TRHDE: variants seen among roughly 807,000 people sequenced by gnomAD.
TRHDE encodes thyrotropin-releasing hormone-degrading ectoenzyme.
Under a neutral mutation model 125.7 loss-of-function variants are expected in TRHDE, and 72 were observed. The ratio of observed to expected loss-of-function variants is 0.57; its 90% CI spans 0.47 to 0.70. The LOEUF is 0.70. TRHDE is among the 30% of genes least tolerant of loss of function. The pLI, the probability that TRHDE is intolerant of heterozygous loss-of-function variation, is 0.00. For missense variants in TRHDE, 1,110 were observed against 1,327.1 expected (o/e 0.84, Z 2.54); for synonymous variants, 509 against 509.1 (o/e 1.00, Z 0.00).
intron 2 of TRHDE, among the ~76,000 whole-genome samples, chr12:72,364,084 AAGG>A (rs1249095913): frequency 6.6e-6 from 1 of 152,152 alleles, no homozygotes; most frequent in Non-Finnish European, 1.5e-5. Flanking sequence ...GGACCTCTTC[AAGG>A]AGAACTACAA....
intron 2 of TRHDE, among the ~76,000 whole-genome samples, chr12:72,331,483 A>T (rs1221321765): frequency 1.5e-5 from 1 of 67,244 alleles, no homozygotes; most frequent in East Asian, 2.3e-4. Flanking sequence ...GAATGAACTA[A>T]TTATTTCTGC....
intron 15 of TRHDE, among the ~76,000 whole-genome samples, chr12:72,624,038 T>G (rs552272115): frequency 6.6e-6 from 1 of 152,138 alleles, no homozygotes; most frequent in Non-Finnish European, 1.5e-5. Context: ...CTCTGTTTAC[T>G]AAGATTTGCT....
At chr12:72,112,252 A>G (rs565813943) in intron 2 of TRHDE, among the ~76,000 whole-genome samples, 2 of 152,272 alleles carry the variant, frequency 1.3e-5, no homozygotes, top group African/African-American at 4.8e-5. Context: ...ACATAAAGCA[A>G]TATATGCCAC....
At position 72,302,020 on chromosome 12, in the gene TRHDE, T is replaced by C. The variant is rs1390752799; in HGVS notation, c.1188+15066T>C. Among the ~76,000 whole-genome samples, 4 of 152,302 alleles carry C rather than the reference T, an allele frequency of 2.6e-5. 1 individual carries two copies. Among genetic ancestry groups the C allele is most frequent in the Admixed American group, 2.6e-4 (4 of 15,284 alleles). On this transcript the variant is annotated intron_variant, in intron 2 of 18. Transcript: ENST00000261180. ...AAATTTGTAGTGTTTATTTTTCCTG[T>C]GATTACCAACTTGTGCAAATGACTT... is the stretch of plus-strand genomic sequence containing the variant.
chr12:72,321,861 A>G (rs775488947), intron 2 of TRHDE, among the ~76,000 whole-genome samples: 38 of 152,018 alleles, frequency 2.5e-4, no homozygotes, highest in Admixed American at 6.6e-5. Context: ...TAATACACAT[A>G]TATATCTACA....
At chr12:72,272,053 G>A (rs1329279812), upstream of TRHDE, 1 of 457,448 alleles carries the variant, frequency 2.2e-6, no homozygotes, top group Admixed American at 2.3e-5. This position sits in a 1 kb window ranked among gnomAD's most constrained non-coding sequence, Gnocchi z 6.7. Flanking sequence ...TCCCACCTCG[G>A]CCATCCTTTT....
chr12:72,166,640 C>T (rs762707897), intron 2 of TRHDE, among the ~76,000 whole-genome samples: 21 of 152,104 alleles, frequency 1.4e-4, no homozygotes, highest in Non-Finnish European at 2.5e-4. Flanking sequence ...TCCTCTGATG[C>T]GCTCCATTCT....
intron 15 of TRHDE, among the ~76,000 whole-genome samples, chr12:72,628,813 A>AT (rs751001535): frequency 3.3e-5 from 5 of 152,010 alleles, no homozygotes; most frequent in East Asian, 1.9e-4. Flanking sequence ...AGGTCTTCAT[A>AT]TATTACAATT....
At chr12:72,203,791 A>G (rs1489006116) in intron 2 of TRHDE, among the ~76,000 whole-genome samples, 4 of 151,752 alleles carry the variant, frequency 2.6e-5, no homozygotes, top group Non-Finnish European at 5.9e-5. Context: ...AAACCCTAAG[A>G]CCCTGGGTTT....
At chr12:72,654,263 C>T (rs964642515) in intron 17 of TRHDE, among the ~76,000 whole-genome samples, 5 of 151,976 alleles carry the variant, frequency 3.3e-5, no homozygotes, top group African/African-American at 1.2e-4. Flanking sequence ...TATTGCCTAC[C>T]AAAAAATGTT....
intron 15 of TRHDE, among the ~76,000 whole-genome samples, chr12:72,637,349 A>G (rs191521793): frequency 6.5e-4 from 99 of 152,196 alleles, no homozygotes; most frequent in Non-Finnish European, 5.9e-5. Context: ...TGGTGGTGAT[A>G]TCCCCTTTAT....
intron 1 of TRHDE, among the ~76,000 whole-genome samples, chr12:72,093,332 C>G (rs1231677812): frequency 6.6e-6 from 1 of 152,072 alleles, no homozygotes; most frequent in Non-Finnish European, 1.5e-5. Context: ...GCTTTGAGTC[C>G]TTTGAGTGTC....
intron 12 of TRHDE, among the ~76,000 whole-genome samples, chr12:72,601,796 CACTA>C (rs1008747762): frequency 2.6e-5 from 4 of 152,250 alleles, no homozygotes; most frequent in African/African-American, 9.6e-5. Context: ...GGTTATTGCA[CACTA>C]ACTAGGCTAT....
At chr12:72,164,523 T>A (rs1337465756) in intron 2 of TRHDE, among the ~76,000 whole-genome samples, 3 of 152,050 alleles carry the variant, frequency 2.0e-5, no homozygotes, top group South Asian at 2.1e-4. Flanking sequence ...CTACCTTACT[T>A]ACAGAAATGA....
In TRHDE at chr12:72,286,762, T is replaced by G; in HGVS notation, c.996T>G (p.Thr332=). Residue 332 remains threonine (T), a synonymous_variant, in exon 2 of 19, where the codon ACT becomes ACG. Transcript: ENST00000261180. ...TTGATGAGCCAATCTACAAGGCTAC[T>G]TTCAAAATCAGCATCAAGCATCAAG... is the stretch of plus-strand genomic sequence containing the variant. ...PCFDEPIYKA[T]FKISIKHQAT... is the part of the protein sequence containing the mutation. The G allele has an allele frequency of 6.2e-7, 1 of 1,614,020 alleles. No individual in the cohort carries two copies. Among genetic ancestry groups the G allele is most frequent in the Non-Finnish European group, 8.5e-7 (1 of 1,179,986 alleles).
chr12:72,186,968 GAGA>G (rs1031702873), intron 2 of TRHDE, among the ~76,000 whole-genome samples: 3 of 152,018 alleles, frequency 2.0e-5, no homozygotes, highest in African/African-American at 7.2e-5. Context: ...TGGTGGAAGA[GAGA>G]AGGATGAGGC....
chr12:72,328,035 T>A (rs1869419126), intron 2 of TRHDE, among the ~76,000 whole-genome samples: 1 of 152,160 alleles, frequency 6.6e-6, no homozygotes, highest in South Asian at 2.1e-4. Flanking sequence ...ACATGCAGTG[T>A]AAATGGCCCA....
intron 15 of TRHDE, among the ~76,000 whole-genome samples, chr12:72,631,083 ATATTT>A (rs1338427927): frequency 1.3e-5 from 2 of 151,210 alleles, no homozygotes; most frequent in Admixed American, 6.6e-5. Flanking sequence ...ATAGGATATT[ATATTT>A]AATTTTCATA....
At chr12:72,558,414 G>A (rs1870023383) in intron 7 of TRHDE, among the ~76,000 whole-genome samples, 1 of 152,166 alleles carries the variant, frequency 6.6e-6, no homozygotes, top group Non-Finnish European at 1.5e-5. Context: ...TATCCATTAG[G>A]CATCTTCAGA....
Sources: allele counts gnomAD v4.1 joint callset (sites outside exome capture counted in the v4.1 genomes callset), GRCh38; gene constraint gnomAD v4.1.1; non-coding constraint Gnocchi (gnomAD v3.1); transcripts MANE v1.5; gene names NCBI Gene and HGNC (gene_info 2026-07-23, HGNC 2026-07-21).